Variants in ATM observed in about 807,000 individuals in gnomAD.
The protein encoded by ATM is serine-protein kinase ATM.
ATM carries 308 observed loss-of-function variants against 387.0 expected under a neutral mutation model. That is an observed-to-expected ratio of 0.80 (90% CI 0.73 to 0.87). The LOEUF (loss-of-function observed/expected upper bound fraction) is 0.87. ATM is among the 40% of genes least tolerant of loss of function. The pLI is 0.00. For synonymous variants in ATM, 1,156 were observed against 1,187.3 expected, an observed-to-expected ratio of 0.97 and a Z score of 0.54; for missense variants, 3,312 against 3,560.9, an observed-to-expected ratio of 0.93 and a Z score of 1.78.
intron 22 of ATM, among the ~76,000 whole-genome samples, chr11:108,275,246 A>G (rs556033556): frequency 5.9e-5 from 9 of 152,126 alleles, no homozygotes; most frequent in African/African-American, 1.7e-4. Flanking sequence ...TTTTGAGCCT[A>G]TGTGTGTCTT....
At position 108,315,883 on chromosome 11, in the gene ATM, G is replaced by A. The variant is rs11212587; in HGVS notation, c.6067G>A (p.Gly2023Arg). 1.5e-3 allele frequency: 2,496 copies of A among 1,612,772 alleles called. 4 individuals carry two copies. Among genetic ancestry groups the A allele is most frequent in the Non-Finnish European group, 1.9e-3 (2,188 of 1,178,816 alleles). ...GCCAGATAGTTTGTATGGCTGTGGTGGAGGGAAGATGTTACAACCCATTAC... is the reference window on the plus strand; with the variant it reads ...GCCAGATAGTTTGTATGGCTGTGGTAGAGGGAAGATGTTACAACCCATTAC... The part of the protein sequence containing the change: ...GEPDSLYGCG[G>R]GKMLQPITRL... The change falls in exon 41 of 63, where the codon GGA becomes AGA. Residue 2023 changes from glycine (G) to arginine (R), a missense_variant. Physicochemically the swap from Gly to Arg is moderately radical, Grantham distance 125. Coordinates refer to ENST00000675843, the MANE Select transcript of ATM (RefSeq NM_000051.4).
chr11:108,257,965 G>A (rs377123672), intron 15 of ATM, among the ~76,000 whole-genome samples: 1 of 151,770 alleles, frequency 6.6e-6, no homozygotes, highest in East Asian at 1.9e-4. Flanking sequence ...TCGACCTCCT[G>A]GGCTCACAGC....
At chr11:108,253,143 C>G (rs1419396736) in intron 12 of ATM, among the ~76,000 whole-genome samples, 3 of 151,972 alleles carry the variant, frequency 2.0e-5, no homozygotes, top group Non-Finnish European at 4.4e-5. Flanking sequence ...TAATATGTGA[C>G]AAGTGCCAAT....
At chr11:108,258,726 A>G (rs987432273) in intron 15 of ATM, among the ~76,000 whole-genome samples, 3 of 152,182 alleles carry the variant, frequency 2.0e-5, no homozygotes, top group Non-Finnish European at 4.4e-5. Flanking sequence ...AGAAAAGTAG[A>G]ATAAACTCTA....
intron 5 of ATM, chr11:108,236,109 A>G: frequency 2.2e-6 from 1 of 447,640 alleles, no homozygotes; most frequent in Non-Finnish European, 4.1e-6. Context: ...ACAGTGGCAG[A>G]AGAAAACCCA....
intron 48 of ATM, among the ~76,000 whole-genome samples, chr11:108,328,128 A>G (rs987948779): frequency 6.6e-6 from 1 of 152,212 alleles, no homozygotes; most frequent in East Asian, 1.9e-4. Flanking sequence ...AAAGGCTTCA[A>G]TATACTAGCC....
At chr11:108,255,485 G>A (rs2080417727) in intron 13 of ATM, among the ~76,000 whole-genome samples, 1 of 146,112 alleles carries the variant, frequency 6.8e-6, no homozygotes, top group Non-Finnish European at 1.5e-5. Context: ...GAGTGCAGTG[G>A]CCTGATCTCG....
intron 1 of ATM, chr11:108,223,850 C>T (rs528235127): frequency 6.6e-6 from 1 of 152,274 alleles, no homozygotes; most frequent in Non-Finnish European, 1.5e-5. Context: ...AGAAGCCTTC[C>T]AGATGGAAGG....
intron 14 of ATM, 130 bp from the exon 15 acceptor site, chr11:108,257,349 CAT>C: frequency 8.7e-7 from 1 of 1,149,986 alleles, no homozygotes; most frequent in South Asian, 1.5e-5. Flanking sequence ...CTTCTAAAAA[CAT>C]TTCATTTTTT....
intron 16 of ATM, among the ~76,000 whole-genome samples, chr11:108,260,967 C>T (rs1157853219): frequency 1.3e-5 from 2 of 152,220 alleles, no homozygotes; most frequent in Non-Finnish European, 2.9e-5. Flanking sequence ...TTATATCCCG[C>T]ACCTGGCTCG....
At position 108,258,971 on chromosome 11, in the gene ATM, T is replaced by C. The variant is rs2080690965; in HGVS notation, c.2377-15T>C. 1.9e-6 allele frequency: 3 copies of C among 1,602,192 alleles called. No individual in the cohort carries two copies. Among genetic ancestry groups the C allele is most frequent in the Non-Finnish European group, 2.6e-6 (3 of 1,169,460 alleles). The stretch of plus-strand genomic sequence containing the variant: ...ATTTCTTTGTTGCTTGGTTCTTTGT[T>C]TGTCTTAATTGCAGAAGAGTCCAAA... On this transcript the variant is annotated splice_polypyrimidine_tract_variant and intron_variant, in intron 15 of 62. Transcript: ENST00000675843.
At chr11:108,286,153 G>A (rs535635265) in intron 26 of ATM, among the ~76,000 whole-genome samples, 1 of 151,678 alleles carries the variant, frequency 6.6e-6, no homozygotes, top group South Asian at 2.1e-4. Context: ...CCAACATGGT[G>A]AAACCCCATC....
At chr11:108,248,828 TG>T in intron 8 of ATM, 104 bp from the exon 9 acceptor site, 3 of 931,076 alleles carry the variant, frequency 3.2e-6, no homozygotes, top group Non-Finnish European at 4.8e-6. Context: ...GTAGAGGTTG[TG>T]GTGATACGAG....
At chr11:108,283,553 A>C (rs964904554) in intron 25 of ATM, among the ~76,000 whole-genome samples, 17 of 152,240 alleles carry the variant, frequency 1.1e-4, no homozygotes, top group Admixed American at 7.2e-4. Context: ...TTTCTAATAG[A>C]TTATGAGTTG....
At chr11:108,352,137 C>T (rs1565576365) in intron 59 of ATM, among the ~76,000 whole-genome samples, 2 of 152,154 alleles carry the variant, frequency 1.3e-5, no homozygotes, top group Non-Finnish European at 2.9e-5. Flanking sequence ...ATACCTGGAA[C>T]CAGGAAAATC....
intron 22 of ATM, among the ~76,000 whole-genome samples, chr11:108,276,310 C>T (rs143069003): frequency 1.2e-3 from 180 of 152,264 alleles, no homozygotes; most frequent in Non-Finnish European, 2.0e-3. Flanking sequence ...AGAACATGCT[C>T]CTTTAGCTCA....
chr11:108,252,037 T>G lies in ATM; in HGVS notation c.1802+6T>G. 1 of 1,609,830 alleles carries G rather than the reference T, an allele frequency of 6.2e-7. No homozygotes were observed. The highest frequency in any genetic ancestry group is 8.5e-7 in the Non-Finnish European group (1 of 1,178,604). ...GTGCCTCCAATTCTTCACAGGTAAT[T>G]TAAGTTCATTAGCATGCTGCTGTTT... On this transcript the variant is annotated splice_donor_region_variant and intron_variant, in intron 11 of 62. Transcript: ENST00000675843.
chr11:108,316,015 C>T lies in ATM; in HGVS notation c.6100C>T (p.Arg2034Ter), dbSNP rs532480170. ...GKMLQPITRL[R>*]TYEHEAMWGK... is the part of the protein sequence containing the mutation. ...TTTCACAATCTTTTCTTATAGACTA[C>T]GAACATATGAACACGAAGCAATGTG... Residue 2034 changes from arginine (R) to a stop codon, truncating the protein, a stop_gained, in exon 42 of 63, where the codon CGA becomes TGA. Coordinates refer to ENST00000675843, the MANE Select transcript of ATM (RefSeq NM_000051.4). LOFTEE classifies it high-confidence loss of function. 9.9e-6 allele frequency: 16 copies of T among 1,613,812 alleles called. No homozygotes were observed. The highest frequency in any genetic ancestry group is 2.2e-5 in the South Asian group (2 of 91,078).
At chr11:108,240,198 T>G (rs901785800) in intron 5 of ATM, among the ~76,000 whole-genome samples, 1 of 152,232 alleles carries the variant, frequency 6.6e-6, no homozygotes, top group East Asian at 1.9e-4. Flanking sequence ...TTTTTCTGTA[T>G]CTAATGAGAT....
Sources: gnomAD v4.1 joint callset for allele counts (sites outside exome capture counted in the v4.1 genomes callset) on GRCh38, gnomAD v4.1.1 for gene constraint, MANE v1.5 for transcripts, NCBI Gene and HGNC (gene_info 2026-07-23, HGNC 2026-07-21) for gene names.